NTM: variants seen among roughly 807,000 people sequenced by gnomAD.
NTM encodes the protein IgLON family member 2.
Under a neutral mutation model 42.1 loss-of-function variants are expected in NTM, and 13 were observed. That is an observed-to-expected ratio of 0.31 (90% CI 0.20 to 0.49). NTM has a LOEUF of 0.49. NTM is among the 20% of genes least tolerant of loss of function. NTM has a pLI of 0.99. For missense variants in NTM, 373 were observed against 452.8 expected (o/e 0.82, Z 1.60); for synonymous variants, 187 against 179.2 (o/e 1.04, Z -0.35).
chr11:131,389,920 G>A (rs1410140978), intron 1 of NTM, among the ~76,000 whole-genome samples: 1 of 152,192 alleles, frequency 6.6e-6, no homozygotes, highest in Non-Finnish European at 1.5e-5. Context: ...AGAAGGGTGA[G>A]GGGTGGATGA....
chr11:131,722,567 G>A (rs2078495876), intron 1 of NTM, among the ~76,000 whole-genome samples: 1 of 152,244 alleles, frequency 6.6e-6, no homozygotes, highest in Non-Finnish European at 1.5e-5. Context: ...CCACTGATGA[G>A]AGTAAGTACG....
intron 1 of NTM, among the ~76,000 whole-genome samples, chr11:131,482,435 C>T (rs1465087182): frequency 1.3e-5 from 2 of 152,164 alleles, no homozygotes; most frequent in African/African-American, 4.8e-5. Context: ...TTCAACAGAT[C>T]GACAAAAGCG....
At chr11:131,693,769 G>A (rs771930261) in intron 1 of NTM, among the ~76,000 whole-genome samples, 6 of 152,158 alleles carry the variant, frequency 3.9e-5, no homozygotes, top group Admixed American at 6.5e-5. Flanking sequence ...TTTTCAATGA[G>A]CTGCAGTCAC....
chr11:131,607,726 A>G (rs1201685886), intron 1 of NTM, among the ~76,000 whole-genome samples: 1 of 152,218 alleles, frequency 6.6e-6, no homozygotes, highest in Non-Finnish European at 1.5e-5. Context: ...TTATTAAAAG[A>G]GAATGAAATT....
chr11:131,486,157 T>A (rs1277166088), intron 1 of NTM, among the ~76,000 whole-genome samples: 3 of 152,166 alleles, frequency 2.0e-5, no homozygotes, highest in Non-Finnish European at 2.9e-5. Context: ...ATGATGATGA[T>A]AATGATAATA....
At chr11:131,426,677 CG>C (rs1261294488) in intron 1 of NTM, among the ~76,000 whole-genome samples, 1 of 152,124 alleles carries the variant, frequency 6.6e-6, no homozygotes, top group Non-Finnish European at 1.5e-5. Flanking sequence ...CTGCACTTGT[CG>C]GAAGGCCCAC....
At chr11:132,315,373 G>A (rs904708510) in intron 7 of NTM, among the ~76,000 whole-genome samples, 6 of 152,132 alleles carry the variant, frequency 3.9e-5, no homozygotes, top group Admixed American at 1.3e-4. Context: ...CTGCCTTCCT[G>A]GTGGTGCCAC....
chr11:131,784,584 C>T (rs1389362347), intron 1 of NTM, among the ~76,000 whole-genome samples: 1 of 152,096 alleles, frequency 6.6e-6, no homozygotes, highest in Non-Finnish European at 1.5e-5. Flanking sequence ...GCCACATTTC[C>T]TGGGGTCCGG....
chr11:131,931,387 C>T (rs1032140391), intron 2 of NTM, among the ~76,000 whole-genome samples: 5 of 150,908 alleles, frequency 3.3e-5, no homozygotes, highest in African/African-American at 9.8e-5. Flanking sequence ...TACAGTGAAC[C>T]GAGATGGCGC....
At chr11:131,735,869 T>C (rs2080364568) in intron 1 of NTM, among the ~76,000 whole-genome samples, 1 of 151,698 alleles carries the variant, frequency 6.6e-6, no homozygotes, top group South Asian at 2.1e-4. Context: ...TGTGTGTGTG[T>C]GTGTGTATAA....
chr11:131,721,502 C>G (rs2078327313), intron 1 of NTM, among the ~76,000 whole-genome samples: 1 of 151,856 alleles, frequency 6.6e-6, no homozygotes, highest in Non-Finnish European at 1.5e-5. Context: ...ATCCTAAGAG[C>G]TTTGTAAATA....
intron 1 of NTM, among the ~76,000 whole-genome samples, chr11:131,801,421 C>G (rs2092097531): frequency 6.6e-6 from 1 of 152,128 alleles, no homozygotes; most frequent in Non-Finnish European, 1.5e-5. Flanking sequence ...CCATTGTTAC[C>G]TTGGGACATT....
chr11:131,813,862 T>TG (rs1381856444), intron 1 of NTM, among the ~76,000 whole-genome samples: 1 of 152,112 alleles, frequency 6.6e-6, no homozygotes, highest in Non-Finnish European at 1.5e-5. Context: ...TGTGAGGCCT[T>TG]GGGGGAGTCC....
intron 1 of NTM, among the ~76,000 whole-genome samples, chr11:131,815,647 C>G (rs900001898): frequency 6.6e-6 from 1 of 152,118 alleles, no homozygotes; most frequent in African/African-American, 2.4e-5. Context: ...CTGCTGCCCG[C>G]GCCTCTCCCC....
chr11:131,778,039 A>G (rs1310305772), intron 1 of NTM, among the ~76,000 whole-genome samples: 1 of 152,226 alleles, frequency 6.6e-6, no homozygotes, highest in East Asian at 1.9e-4. Context: ...TTACAACTCA[A>G]AAACTGATAA....
intron 2 of NTM, among the ~76,000 whole-genome samples, chr11:132,009,726 C>T (rs2071669788): frequency 6.6e-6 from 1 of 152,190 alleles, no homozygotes; most frequent in African/African-American, 2.4e-5. Context: ...AAATTGCCTC[C>T]CTGTTGACCT....
chr11:131,523,802 AAAAG>A (rs1377616851), intron 1 of NTM, among the ~76,000 whole-genome samples: 13 of 150,844 alleles, frequency 8.6e-5, no homozygotes, highest in African/African-American at 2.5e-4. Flanking sequence ...AAAAAAAAAA[AAAAG>A]AATAAGAAGA....
intron 3 of NTM, among the ~76,000 whole-genome samples, chr11:132,180,947 T>C (rs551958482): frequency 6.6e-6 from 1 of 152,308 alleles, no homozygotes; most frequent in African/African-American, 2.4e-5. Flanking sequence ...ATCAATTTAG[T>C]TCATCATCAT....
chr11:132,200,865 G>A (rs1173470059), intron 3 of NTM, among the ~76,000 whole-genome samples: 1 of 152,170 alleles, frequency 6.6e-6, no homozygotes, highest in Admixed American at 6.5e-5. Context: ...CAGAATCATG[G>A]CTCAGAGTCT....
Sources: allele counts gnomAD v4.1 joint callset (sites outside exome capture counted in the v4.1 genomes callset), GRCh38; gene constraint gnomAD v4.1.1; transcripts MANE v1.5; gene names NCBI Gene and HGNC (gene_info 2026-07-23, HGNC 2026-07-21).